UMAD1: variants seen among roughly 807,000 people sequenced by gnomAD.
UMAD1 encodes the protein UBAP1-MVB12-associated (UMA) domain containing 1.
UMAD1 carries 8 observed loss-of-function variants against 6.1 expected under a neutral mutation model. The ratio of observed to expected loss-of-function variants is 1.30; its 90% CI spans 0.76 to 2.35. The LOEUF (loss-of-function observed/expected upper bound fraction) is 2.35, where lower values mean the gene tolerates loss of function less well. Among genes scored for constraint, UMAD1 ranks in the 30% most tolerant of loss-of-function variants. The pLI, the probability that UMAD1 is intolerant of heterozygous loss-of-function variation, is 0.00. For synonymous variants in UMAD1, 56 were observed against 31.4 expected, an observed-to-expected ratio of 1.78 and a Z score of -2.61; for missense variants, 130 against 78.4, an observed-to-expected ratio of 1.66 and a Z score of -2.49.
At chr7:7,746,917 A>T (rs1036551906) in intron 2 of UMAD1, among the ~76,000 whole-genome samples, 8 of 151,978 alleles carry the variant, frequency 5.3e-5, no homozygotes, top group East Asian at 1.9e-4. Flanking sequence ...AAGAGATTTT[A>T]AAAAAATGTT....
At chr7:7,751,987 TTAAAC>T (rs1342369134) in intron 2 of UMAD1, among the ~76,000 whole-genome samples, 2 of 152,186 alleles carry the variant, frequency 1.3e-5, no homozygotes, top group African/African-American at 4.8e-5. Flanking sequence ...ATATACAACT[TTAAAC>T]TATAGTTTGA....
In UMAD1 at chr7:7,696,301, T is replaced by TA. The variant is rs758654378; in HGVS notation, c.82+22859dup. Among the ~76,000 whole-genome samples the TA allele has an allele frequency of 4.8e-3, 699 of 144,310 alleles. 7 individuals are homozygous for TA. The highest frequency in any genetic ancestry group is 0.016 in the African/African-American group (641 of 39,564). 94.7% of individuals were successfully genotyped at this position (144,310 alleles called of 152,430 possible). ...AGTTGGTAAGAATTATTAGGTAGATTAAAAAAAAAAACACCCCAAAACAAA... is the reference window on the plus strand; with the variant it reads ...AGTTGGTAAGAATTATTAGGTAGATTAAAAAAAAAAAACACCCCAAAACAAA... On this transcript the variant is annotated intron_variant, in intron 2 of 3. Transcript: ENST00000682710.
At chr7:7,774,614 A>G (rs796929535) in intron 2 of UMAD1, among the ~76,000 whole-genome samples, 7 of 152,350 alleles carry the variant, frequency 4.6e-5, no homozygotes, top group African/African-American at 1.7e-4. Flanking sequence ...CCAAGGAAAG[A>G]GAATACAAGA....
chr7:7,716,230 A>G (rs1196193759), intron 2 of UMAD1, among the ~76,000 whole-genome samples: 1 of 152,192 alleles, frequency 6.6e-6, no homozygotes, highest in Non-Finnish European at 1.5e-5. Flanking sequence ...GTTGTATTGA[A>G]TAACAGCTTG....
rs934505037 is a variant in UMAD1 at position 7,829,676 on chromosome 7, G to A, written c.156+27933G>A. ...TGACATGATTTTAAATGTAATGAACGAGCATTTTACAAAACAATTTTGTAT... is the reference window on the plus strand; with the variant it reads ...TGACATGATTTTAAATGTAATGAACAAGCATTTTACAAAACAATTTTGTAT... On this transcript the variant is annotated intron_variant, in intron 3 of 3. Coordinates refer to ENST00000682710, the MANE Select transcript of UMAD1 (RefSeq NM_001302348.2). Among the ~76,000 whole-genome samples the A allele has an allele frequency of 2.6e-5, 4 of 152,056 alleles. 1 individual carries two copies. The highest frequency in any genetic ancestry group is 9.7e-5 in the African/African-American group (4 of 41,406).
At chr7:7,845,953 A>T (rs1037230840) in intron 3 of UMAD1, among the ~76,000 whole-genome samples, 5 of 152,086 alleles carry the variant, frequency 3.3e-5, no homozygotes, top group Admixed American at 3.3e-4. Context: ...CTAGGCAACT[A>T]TTTATTTTCT....
chr7:7,827,325 G>A (rs987181094), intron 3 of UMAD1, among the ~76,000 whole-genome samples: 10 of 152,068 alleles, frequency 6.6e-5, no homozygotes, highest in Admixed American at 3.9e-4. Flanking sequence ...AGTGGCCAAC[G>A]AAGGTCTGCA....
Position 7,877,647 on chromosome 7 carries a change from A to T in UMAD1, c.*109A>T. 1.6e-6 allele frequency: 1 copy of T among 621,830 alleles called. No individual in the cohort carries two copies. The highest frequency in any genetic ancestry group is 1.9e-5 in the South Asian group (1 of 52,902). 38.5% of individuals were successfully genotyped at this position (621,830 alleles called of 1,614,324 possible). A position where few individuals can be genotyped will look rare whatever the true frequency, so the allele number is the denominator to read the frequency against. ...CTGTTTAAGGTCCTCAGCAAGGATC[A>T]TAAAGCAAAGAAAATAGCATTATGT... On this transcript the variant is annotated 3_prime_UTR_variant, in exon 4 of 4. Transcript: ENST00000682710.
At chr7:7,829,011 T>C (rs1421512763) in intron 3 of UMAD1, among the ~76,000 whole-genome samples, 1 of 152,192 alleles carries the variant, frequency 6.6e-6, no homozygotes, top group Non-Finnish European at 1.5e-5. Context: ...AGGGATAACA[T>C]GTCTATATAA....
chr7:7,730,067 C>T (rs1260376399), intron 2 of UMAD1, among the ~76,000 whole-genome samples: 7 of 152,142 alleles, frequency 4.6e-5, no homozygotes, highest in South Asian at 4.1e-4. Flanking sequence ...TTCCCTTTTT[C>T]TGCCCTTGCT....
intron 2 of UMAD1, among the ~76,000 whole-genome samples, chr7:7,693,829 T>TA (rs1780239669): frequency 6.6e-6 from 1 of 152,212 alleles, no homozygotes; most frequent in Non-Finnish European, 1.5e-5. Context: ...TAACACTACT[T>TA]ACCATGAGTG....
intron 2 of UMAD1, among the ~76,000 whole-genome samples, chr7:7,790,630 C>A (rs1374548861): frequency 6.6e-6 from 1 of 152,164 alleles, no homozygotes; most frequent in South Asian, 2.1e-4. Flanking sequence ...TACCTGAGTT[C>A]TTAAAGGGAC....
chr7:7,693,772 A>T (rs542836847), intron 2 of UMAD1, among the ~76,000 whole-genome samples: 3 of 152,164 alleles, frequency 2.0e-5, no homozygotes, highest in Non-Finnish European at 4.4e-5. Context: ...ATTTTGTAAG[A>T]TGTTTATGTG....
chr7:7,689,584 T>C lies in UMAD1; in HGVS notation c.82+16131T>C, dbSNP rs1241582499. On this transcript the variant is annotated intron_variant, in intron 2 of 3. Transcript: ENST00000682710. ...CTTATAATGCTATCTCCCTGGATAATCTTTTCTTGGTAGAGCCCCTGTTTT... is the reference window on the plus strand; with the variant it reads ...CTTATAATGCTATCTCCCTGGATAACCTTTTCTTGGTAGAGCCCCTGTTTT... 2.6e-5 allele frequency: 4 copies of C among 152,186 alleles called. No homozygotes were observed. The East Asian group carries it at 7.7e-4, about 29-fold the overall frequency. 9.4% of individuals were successfully genotyped at this position (152,186 alleles called of 1,614,324 possible).
chr7:7,825,507 A>G (rs1269892499), intron 3 of UMAD1, among the ~76,000 whole-genome samples: 1 of 152,114 alleles, frequency 6.6e-6, no homozygotes, highest in Middle Eastern at 3.2e-3. Context: ...GGCAGCAGGC[A>G]AAGAGAAAGA....
chr7:7,862,452 G>T lies in UMAD1; in HGVS notation c.157-14829G>T, dbSNP rs369382758. Reference sequence around the variant, plus strand: ...TGATCTTGTTGCATTACATTCTGAAGAAGTTGAATAGATACTTACAATAAA... The same window carrying T: ...TGATCTTGTTGCATTACATTCTGAATAAGTTGAATAGATACTTACAATAAA... On this transcript the variant is annotated intron_variant, in intron 3 of 3. Coordinates refer to ENST00000682710, the MANE Select transcript of UMAD1 (RefSeq NM_001302348.2). Among the ~76,000 whole-genome samples the T allele has an allele frequency of 9.2e-5, 14 of 152,252 alleles. No homozygotes were observed. In the East Asian group the frequency reaches 2.1e-3, roughly 23 times the overall value.
At chr7:7,642,161 A>ATC (rs940736526) in intron 1 of UMAD1, among the ~76,000 whole-genome samples, 3 of 152,058 alleles carry the variant, frequency 2.0e-5, no homozygotes, top group Non-Finnish European at 4.4e-5. Context: ...TTGAGGCAAG[A>ATC]TCTCTCTCTG....
chr7:7,687,105 T>C (rs1391646776), intron 2 of UMAD1: 1 of 152,194 alleles, frequency 6.6e-6, no homozygotes, highest in East Asian at 1.9e-4. Context: ...AACTATTTTA[T>C]TATGTGATTT....
At chr7:7,771,224 T>G (rs1334258964) in intron 2 of UMAD1, among the ~76,000 whole-genome samples, 1 of 152,128 alleles carries the variant, frequency 6.6e-6, no homozygotes, top group Non-Finnish European at 1.5e-5. Flanking sequence ...AACTATGTAT[T>G]ACATTGCATT....
Sources: allele counts gnomAD v4.1 joint callset (sites outside exome capture counted in the v4.1 genomes callset), GRCh38; gene constraint gnomAD v4.1.1; transcripts MANE v1.5; gene names NCBI Gene and HGNC (gene_info 2026-07-23, HGNC 2026-07-21).